MRAP2: variants seen among roughly 807,000 people sequenced by gnomAD.
MRAP2 encodes the protein melanocortin 2 receptor accessory protein 2, also known as melanocortin-2 receptor accessory protein 2.
In MRAP2, 20 loss-of-function variants were observed where a neutral mutation model predicts 17.4. The observed-to-expected ratio is 1.15, with a 90% CI of 0.81 to 1.67. The LOEUF (loss-of-function observed/expected upper bound fraction) is 1.67. Among genes scored for constraint, MRAP2 ranks in the 40% most tolerant of loss-of-function variants. The pLI is 0.00. For missense variants in MRAP2, 238 were observed against 240.0 expected, an observed-to-expected ratio of 0.99 and a Z score of 0.05; for synonymous variants, 96 against 88.4, an observed-to-expected ratio of 1.09 and a Z score of -0.48.
At chr6:84,068,860 G>T (rs1442411239) in intron 3 of MRAP2, among the ~76,000 whole-genome samples, 4 of 148,232 alleles carry the variant, frequency 2.7e-5, no homozygotes, top group Non-Finnish European at 4.5e-5. Context: ...GTAGAGATGG[G>T]GTTTCACTGT....
At chr6:84,063,966 A>G (rs1417308455) in intron 3 of MRAP2, among the ~76,000 whole-genome samples, 2 of 151,916 alleles carry the variant, frequency 1.3e-5, no homozygotes, top group African/African-American at 4.8e-5. Flanking sequence ...AATCACTTGA[A>G]CCTGGGAGGT....
At chr6:84,130,681 T>C in the MRAP2 span, among the ~76,000 whole-genome samples, 3 of 152,212 alleles carry the variant, frequency 2.0e-5, no homozygotes, top group African/African-American at 7.2e-5. Flanking sequence ...GTAGTGTGTA[T>C]TTCTGTGGGA....
intron 1 of MRAP2, among the ~76,000 whole-genome samples, chr6:84,040,536 C>T (rs370220995): frequency 2.6e-5 from 4 of 152,156 alleles, no homozygotes; most frequent in East Asian, 3.9e-4. Flanking sequence ...ATGTAGAGGG[C>T]TCAGAAGAAG....
At chr6:84,053,025 C>T (rs1015531427) in intron 1 of MRAP2, among the ~76,000 whole-genome samples, 11 of 152,068 alleles carry the variant, frequency 7.2e-5, no homozygotes, top group South Asian at 4.2e-4. Flanking sequence ...ACACACTGAC[C>T]GGCCCCATGA....
chr6:84,070,682 T>C (rs2099495984), intron 3 of MRAP2, among the ~76,000 whole-genome samples: 1 of 152,234 alleles, frequency 6.6e-6, no homozygotes, highest in African/African-American at 2.4e-5. Flanking sequence ...CCTAGTGCTC[T>C]CCCTGGAGGA....
the MRAP2 span, among the ~76,000 whole-genome samples, chr6:84,132,021 T>A: frequency 6.6e-6 from 1 of 152,244 alleles, no homozygotes; most frequent in African/African-American, 2.4e-5. Context: ...TCAGGAGCTC[T>A]TGTAAGGCAT....
chr6:84,121,490 A>G, the MRAP2 span, among the ~76,000 whole-genome samples: 1 of 152,184 alleles, frequency 6.6e-6, no homozygotes, highest in South Asian at 2.1e-4. Flanking sequence ...CTAAAAATAT[A>G]AAATATTAGC....
At chr6:84,052,752 T>A in intron 1 of MRAP2, 1 of 972,354 alleles carries the variant, frequency 1.0e-6, no homozygotes, top group Non-Finnish European at 1.2e-6. Context: ...GGTGTCACAT[T>A]TCATTCTGCA....
At chr6:84,143,133 A>C in the MRAP2 span, among the ~76,000 whole-genome samples, 1 of 152,082 alleles carries the variant, frequency 6.6e-6, no homozygotes, top group Admixed American at 6.5e-5. Flanking sequence ...TAGTCACTGA[A>C]TATCTAGATC....
intron 1 of MRAP2, among the ~76,000 whole-genome samples, chr6:84,042,347 A>C (rs1273963663): frequency 1.3e-5 from 2 of 152,108 alleles, no homozygotes; most frequent in Non-Finnish European, 2.9e-5. Context: ...TGGACTAAAA[A>C]CTTCCACTGA....
the MRAP2 span, among the ~76,000 whole-genome samples, chr6:84,142,935 G>A: frequency 6.6e-6 from 1 of 151,966 alleles, no homozygotes; most frequent in East Asian, 1.9e-4. Flanking sequence ...ATGTTTAATG[G>A]CTCATGAATT....
the MRAP2 span, among the ~76,000 whole-genome samples, chr6:84,102,909 A>G: frequency 2.0e-5 from 3 of 152,236 alleles, no homozygotes; most frequent in Non-Finnish European, 4.4e-5. Context: ...TGATGGGAGC[A>G]TTGGAGTAGA....
chr6:84,128,859 C>A, the MRAP2 span, among the ~76,000 whole-genome samples: 1 of 150,418 alleles, frequency 6.6e-6, no homozygotes, highest in African/African-American at 2.4e-5. Context: ...AACCCCCCGA[C>A]AGGCCCCGGT....
At chr6:84,051,655 C>A (rs1261037608) in intron 1 of MRAP2, among the ~76,000 whole-genome samples, 2 of 152,082 alleles carry the variant, frequency 1.3e-5, no homozygotes, top group African/African-American at 4.8e-5. Context: ...CCAGGGAGGT[C>A]AATGCTGCAG....
intron 3 of MRAP2, among the ~76,000 whole-genome samples, chr6:84,083,677 A>G (rs572972947): frequency 6.6e-6 from 1 of 152,142 alleles, no homozygotes; most frequent in Non-Finnish European, 1.5e-5. Flanking sequence ...TTTATCAAAA[A>G]ATTATTTAAG....
chr6:84,061,879 A>G (rs1236893436), intron 2 of MRAP2: 98 of 985,330 alleles, frequency 9.9e-5, no homozygotes, highest in Non-Finnish European at 1.1e-4. Flanking sequence ...TACTCTGGAA[A>G]AGTGGGTCAG....
At chr6:84,054,256 C>G (rs1162818680) in intron 1 of MRAP2, among the ~76,000 whole-genome samples, 1 of 152,162 alleles carries the variant, frequency 6.6e-6, no homozygotes, top group Non-Finnish European at 1.5e-5. Context: ...CATCTCTGCC[C>G]ACCCCACAGT....
chr6:84,091,375 C>T (rs1002597950), downstream of MRAP2, among the ~76,000 whole-genome samples: 14 of 151,284 alleles, frequency 9.3e-5, no homozygotes, highest in African/African-American at 1.7e-4. Flanking sequence ...ACTACAGGCA[C>T]GTGCCACCAC....
chr6:84,050,515 G>A (rs1035060078), intron 1 of MRAP2, among the ~76,000 whole-genome samples: 28 of 152,154 alleles, frequency 1.8e-4, no homozygotes, highest in African/African-American at 6.3e-4. Flanking sequence ...GTGCAAGGAG[G>A]AAATTAAGCT....
Sources: allele counts gnomAD v4.1 joint callset (sites outside exome capture counted in the v4.1 genomes callset), GRCh38; gene constraint gnomAD v4.1.1; transcripts MANE v1.5; gene names NCBI Gene and HGNC (gene_info 2026-07-23, HGNC 2026-07-21).